The following EPHB2 variants were observed in gnomAD, a reference collection of about 807,000 sequenced individuals.
EPHB2 encodes the protein EPH receptor B2, also known as ephrin type-B receptor 2.
A neutral mutation model predicts 96.4 loss-of-function variants in EPHB2; 18 were observed. The ratio of observed to expected loss-of-function variants is 0.19; its 90% CI spans 0.13 to 0.28. The LOEUF is 0.28. Ranked by LOEUF, EPHB2 falls within the 10% of genes least tolerant of loss-of-function variation. The pLI, the probability that EPHB2 is intolerant of heterozygous loss-of-function variation, is 1.00. For synonymous variants in EPHB2, 506 were observed against 534.1 expected, an observed-to-expected ratio of 0.95 and a Z score of 0.72; for missense variants, 989 against 1,355.4, an observed-to-expected ratio of 0.73 and a Z score of 4.25.
At chr1:22,717,724 T>G (rs1404802781) in intron 1 of EPHB2, among the ~76,000 whole-genome samples, 1 of 152,212 alleles carries the variant, frequency 6.6e-6, no homozygotes, top group Non-Finnish European at 1.5e-5. Context: ...AGCACCCTCG[T>G]GCCCCTGGCC....
At chr1:22,723,793 A>G (rs56309310) in intron 1 of EPHB2, among the ~76,000 whole-genome samples, 4,191 of 152,326 alleles carry the variant, frequency 0.028, 82 homozygotes, top group Non-Finnish European at 0.038. Flanking sequence ...AAAAGAGCTA[A>G]TGTATTTTTT....
rs531842392 is a variant in EPHB2, at chr1:22,833,914, A to G, written c.812-29123A>G. Among the ~76,000 whole-genome samples, 5 of 152,340 alleles carry G rather than the reference A, an allele frequency of 3.3e-5. No individual in the cohort carries two copies. In the South Asian group the frequency reaches 6.2e-4, roughly 19 times the overall value. On this transcript the variant is annotated intron_variant, in intron 3 of 15. Coordinates refer to ENST00000374630, the MANE Select transcript of EPHB2 (RefSeq NM_017449.5). ...AATTATGTATCAGCAAATATTCTCT[A>G]GAATAAAATAGGTAGCAAGATACAT...
chr1:22,737,742 A>G (rs1272824211), intron 1 of EPHB2, among the ~76,000 whole-genome samples: 1 of 152,234 alleles, frequency 6.6e-6, no homozygotes, highest in African/African-American at 2.4e-5. Flanking sequence ...AGTGCCTAGC[A>G]CAGAGTCTGT....
chr1:22,737,258 A>G (rs77901321), intron 1 of EPHB2, among the ~76,000 whole-genome samples: 7,254 of 151,962 alleles, frequency 0.048, 208 homozygotes, highest in Middle Eastern at 0.082. Flanking sequence ...GAACCCCACA[A>G]AGCATCACCA....
chr1:22,827,141 T>G (rs1226318551), intron 3 of EPHB2, among the ~76,000 whole-genome samples: 1 of 152,226 alleles, frequency 6.6e-6, no homozygotes, highest in Non-Finnish European at 1.5e-5. Context: ...TTCCCCTCCC[T>G]TGCTCATGGA....
chr1:22,821,802 C>T (rs1645155359), intron 3 of EPHB2, among the ~76,000 whole-genome samples: 1 of 152,176 alleles, frequency 6.6e-6, no homozygotes, highest in Non-Finnish European at 1.5e-5. Context: ...CTTTAGCATT[C>T]TGGTCTGAGG....
chr1:22,827,401 G>A (rs1248652534), intron 3 of EPHB2, among the ~76,000 whole-genome samples: 1 of 152,192 alleles, frequency 6.6e-6, no homozygotes, highest in African/African-American at 2.4e-5. Flanking sequence ...GAAGAGAGGT[G>A]CCCCTCGTCC....
intron 3 of EPHB2, among the ~76,000 whole-genome samples, chr1:22,837,125 G>T (rs955188747): frequency 6.6e-6 from 1 of 152,208 alleles, no homozygotes; most frequent in Admixed American, 6.5e-5. Flanking sequence ...GATCAGCAAC[G>T]TCAGGGATGG....
chr1:22,829,452 T>C (rs569663094), intron 3 of EPHB2, among the ~76,000 whole-genome samples: 1 of 152,076 alleles, frequency 6.6e-6, no homozygotes. Context: ...CAAGCCAGGG[T>C]GTAAGACCAT....
Position 22,910,563 on chromosome 1 carries a change from C to T in EPHB2, c.2684C>T (p.Pro895Leu), listed in dbSNP as rs1640063149. 1.9e-6 allele frequency: 3 copies of T among 1,614,174 alleles called. No individual in the cohort carries two copies. The East Asian group carries it at 6.7e-5, about 36-fold the overall frequency. ...CCCAACAGCCTCAAAGCCATGGCGCCCCTCTCCTCTGGGTAAGGCCCCACC... is the reference window on the plus strand; with the variant it reads ...CCCAACAGCCTCAAAGCCATGGCGCTCCTCTCCTCTGGGTAAGGCCCCACC... ...RNPNSLKAMA[P>L]LSSGINLPLL... The change falls in exon 14 of 16, where the codon CCC becomes CTC. Residue 895 changes from proline (P) to leucine (L), a missense_variant. Coordinates refer to ENST00000374630, the MANE Select transcript of EPHB2 (RefSeq NM_017449.5).
chr1:22,808,456 T>C (rs771903625), intron 3 of EPHB2, among the ~76,000 whole-genome samples: 9 of 152,166 alleles, frequency 5.9e-5, no homozygotes, highest in Non-Finnish European at 1.2e-4. Context: ...AGGGCAGACA[T>C]ACCAAATTAA....
intron 1 of EPHB2, among the ~76,000 whole-genome samples, chr1:22,720,087 G>A (rs532687399): frequency 1.6e-4 from 25 of 152,268 alleles, no homozygotes; most frequent in Middle Eastern, 3.4e-3. Flanking sequence ...TACGCTCCTC[G>A]CTATCTCCCA....
intron 3 of EPHB2, among the ~76,000 whole-genome samples, chr1:22,813,244 C>G (rs1396558231): frequency 1.3e-5 from 2 of 152,204 alleles, no homozygotes; most frequent in Admixed American, 6.5e-5. Flanking sequence ...GGTCACACAG[C>G]TCCTGAGTGG....
At chr1:22,904,292 C>CAAAAAA (rs3053666) in intron 9 of EPHB2, among the ~76,000 whole-genome samples, 1 of 130,000 alleles carries the variant, frequency 7.7e-6, no homozygotes, top group Non-Finnish European at 1.6e-5. Context: ...GAACCTGTCT[C>CAAAAAA]AAAAAAAAAA....
Position 22,784,932 on chromosome 1 carries a change from CG to C in EPHB2, c.671del (p.Gly224AlafsTer108). On this transcript the variant is annotated frameshift_variant, in exon 3 of 16. Transcript: ENST00000374630. LOFTEE classifies it high-confidence loss of function. This position sits in a 1 kb window ranked among gnomAD's most constrained non-coding sequence, Gnocchi z 5.1. ...GAESTSLVAA[R>X]GSCIANAEEV... ...TGAGAGCACATCGCTGGTGGCTGCC[CG>C]GGGCAGCTGCATCGCCAATGCGGAA... The C allele has an allele frequency of 6.2e-7, 1 of 1,613,916 alleles. No homozygotes were observed. The highest frequency in any genetic ancestry group is 8.5e-7 in the Non-Finnish European group (1 of 1,180,052).
At chr1:22,717,162 C>T (rs1483447735) in intron 1 of EPHB2, among the ~76,000 whole-genome samples, 5 of 151,954 alleles carry the variant, frequency 3.3e-5, no homozygotes, top group Admixed American at 6.5e-5. Context: ...CCCTGGCTGC[C>T]GCTGGCTCGT....
At chr1:22,841,595 C>T (rs988203244) in intron 3 of EPHB2, among the ~76,000 whole-genome samples, 2 of 152,106 alleles carry the variant, frequency 1.3e-5, no homozygotes, top group Non-Finnish European at 1.5e-5. Context: ...AAGGCATGCA[C>T]GTGGCCACAT....
chr1:22,745,359 G>A (rs1643957675), intron 1 of EPHB2, among the ~76,000 whole-genome samples: 1 of 152,134 alleles, frequency 6.6e-6, no homozygotes. Flanking sequence ...ATACATACCC[G>A]ACTGGTTTCA....
intron 3 of EPHB2, 25 bp downstream of exon 3, chr1:22,785,101 C>T (rs1378974541): frequency 6.2e-7 from 1 of 1,612,926 alleles, no homozygotes; most frequent in Non-Finnish European, 8.5e-7. Flanking sequence ...GGGGCACGTG[C>T]CCCTGCAAAT....
Sources: allele counts gnomAD v4.1 joint callset (sites outside exome capture counted in the v4.1 genomes callset), GRCh38; gene constraint gnomAD v4.1.1; non-coding constraint Gnocchi (gnomAD v3.1); transcripts MANE v1.5; gene names NCBI Gene and HGNC (gene_info 2026-07-23, HGNC 2026-07-21).